Variants in SLC8A1 observed in about 807,000 individuals in gnomAD.
SLC8A1 encodes sodium/calcium exchanger 1.
A neutral mutation model predicts 68.3 loss-of-function variants in SLC8A1; 18 were observed. The ratio of observed to expected loss-of-function variants is 0.26; its 90% CI spans 0.18 to 0.39. The LOEUF is 0.39. Ranked by LOEUF, SLC8A1 falls within the 10% of genes least tolerant of loss-of-function variation. The pLI is 1.00. For missense variants in SLC8A1, 985 were observed against 1,156.7 expected, an observed-to-expected ratio of 0.85 and a Z score of 2.15; for synonymous variants, 475 against 415.5, an observed-to-expected ratio of 1.14 and a Z score of -1.74.
chr2:40,164,817 G>A, intron 5 of SLC8A1, 37 bp downstream of exon 8: 2 of 1,611,178 alleles, frequency 1.2e-6, no homozygotes, highest in South Asian at 2.2e-5. Context: ...GTCCCAAGGT[G>A]AGACTGGCTC....
intron 2 of SLC8A1, among the ~76,000 whole-genome samples, chr2:40,269,031 T>A (rs534380506): frequency 2.9e-4 from 44 of 152,288 alleles, no homozygotes; most frequent in African/African-American, 1.0e-3. Flanking sequence ...CAGGCACTCA[T>A]GCTCCTATGA....
intron 2 of SLC8A1, among the ~76,000 whole-genome samples, chr2:40,234,166 T>C (rs1483019690): frequency 6.6e-6 from 1 of 152,184 alleles, no homozygotes; most frequent in African/African-American, 2.4e-5. Context: ...GGGGATGGCA[T>C]TGAATCTGTA....
At chr2:40,288,343 A>G (rs2068666774) in intron 2 of SLC8A1, among the ~76,000 whole-genome samples, 1 of 152,186 alleles carries the variant, frequency 6.6e-6, no homozygotes, top group Non-Finnish European at 1.5e-5. Flanking sequence ...AGGTTTTACA[A>G]TAGGCTTCAG....
At chr2:40,255,000 C>CTATT (rs2063653763) in intron 2 of SLC8A1, 2 of 152,090 alleles carry the variant, frequency 1.3e-5, no homozygotes, top group African/African-American at 4.8e-5. Flanking sequence ...ATTTATTTCT[C>CTATT]TATTTCTTCA....
At chr2:40,389,068 A>AT (rs1399139048) in intron 2 of SLC8A1, among the ~76,000 whole-genome samples, 1 of 150,156 alleles carries the variant, frequency 6.7e-6, no homozygotes, top group Non-Finnish European at 1.5e-5. Context: ...GTGGCTATAT[A>AT]TTTTTTGCAG....
intron 6 of SLC8A1, among the ~76,000 whole-genome samples, chr2:40,144,578 T>G (rs77528201): frequency 0.029 from 4,412 of 152,220 alleles, 66 homozygotes; most frequent in Non-Finnish European, 0.042. Flanking sequence ...CCTTTTTTTT[T>G]TTAGGAATGT....
intron 2 of SLC8A1, among the ~76,000 whole-genome samples, chr2:40,232,549 T>C (rs562981849): frequency 6.6e-6 from 1 of 151,956 alleles, no homozygotes; most frequent in East Asian, 1.9e-4. Context: ...GAATGGCCTT[T>C]GTGGAAGCAG....
chr2:40,152,472 T>C (rs1014470507), intron 6 of SLC8A1, among the ~76,000 whole-genome samples: 6 of 152,260 alleles, frequency 3.9e-5, no homozygotes, highest in Middle Eastern at 6.8e-3. Context: ...TGGCATGATT[T>C]CGGCTCACTG....
chr2:40,494,966 T>C (rs1035300075), intron 1 of SLC8A1, among the ~76,000 whole-genome samples: 2 of 151,562 alleles, frequency 1.3e-5, no homozygotes, highest in Non-Finnish European at 2.9e-5. Context: ...AATTTACAAA[T>C]GAAAAAACTG....
At chr2:40,248,712 TAGTATGG>T (rs1373725404) in intron 2 of SLC8A1, among the ~76,000 whole-genome samples, 3 of 152,126 alleles carry the variant, frequency 2.0e-5, no homozygotes, top group African/African-American at 7.2e-5. Context: ...CCGTGATCTA[TAGTATGG>T]GCATAAATAG....
At chr2:40,292,873 A>C (rs2069592564) in intron 2 of SLC8A1, among the ~76,000 whole-genome samples, 1 of 152,162 alleles carries the variant, frequency 6.6e-6, no homozygotes, top group African/African-American at 2.4e-5. Context: ...CTATTCCTTC[A>C]TCTAGTGAAC....
exon 7 of SLC8A1, chr2:40,139,453 C>G: frequency 6.2e-7 from 1 of 1,614,160 alleles, no homozygotes; most frequent in South Asian, 1.1e-5. Context: ...CAGAATCTTT[C>G]AGGCCAATGG....
At chr2:40,306,485 A>C (rs866621466) in intron 2 of SLC8A1, among the ~76,000 whole-genome samples, 4 of 152,162 alleles carry the variant, frequency 2.6e-5, no homozygotes, top group Admixed American at 1.3e-4. Context: ...ATTTCAGTGC[A>C]AACTTTCAGA....
In SLC8A1 at chr2:40,138,776, A is replaced by G. The variant is rs182477695; in HGVS notation, c.2437+625T>C. Among the ~76,000 whole-genome samples the G allele has an allele frequency of 2.0e-3, 310 of 152,324 alleles. 1 individual carries two copies. In the Middle Eastern group the frequency reaches 0.031, roughly 15 times the overall value. ...GTCTTACTCAGAAATATGAGTAAAC[A>G]TAATAAAGTATAGTTGCAGGTCAGA... On this transcript the variant is annotated intron_variant, in intron 7 of 7. Transcript: ENST00000406785.
chr2:40,300,736 G>C (rs1365505669), intron 2 of SLC8A1, among the ~76,000 whole-genome samples: 1 of 152,126 alleles, frequency 6.6e-6, no homozygotes, highest in African/African-American at 2.4e-5. Flanking sequence ...GCAAAGTCAG[G>C]AAAAGGCTGA....
At chr2:40,465,812 A>G (rs1375157120) in intron 1 of SLC8A1, among the ~76,000 whole-genome samples, 1 of 152,164 alleles carries the variant, frequency 6.6e-6, no homozygotes, top group African/African-American at 2.4e-5. Context: ...CTTATCTTCA[A>G]TGCAACAGCA....
chr2:40,119,782 C>T (rs79424440), intron 7 of SLC8A1, among the ~76,000 whole-genome samples: 2,971 of 152,278 alleles, frequency 0.02, 50 homozygotes, highest in South Asian at 0.072. Flanking sequence ...TTAACTCCCA[C>T]CTTGAATTCT....
Position 40,153,384 on chromosome 2 carries a change from C to G in SLC8A1, c.2161+7381G>C, listed in dbSNP as rs927412329. Among the ~76,000 whole-genome samples, 6 of 152,140 alleles carry G rather than the reference C, an allele frequency of 3.9e-5. No homozygotes were observed. The South Asian group carries it at 1.2e-3, about 32-fold the overall frequency. On this transcript the variant is annotated intron_variant, in intron 6 of 7. Transcript: ENST00000406785. ...TGGCTGCACCAGAATTCATTGAACT[C>G]AAGTATCTAGAGAAGCCAAAGATTC...
intron 2 of SLC8A1, among the ~76,000 whole-genome samples, chr2:40,259,156 G>T (rs1432496845): frequency 6.6e-6 from 1 of 152,124 alleles, no homozygotes; most frequent in Non-Finnish European, 1.5e-5. Context: ...GGACCCTAGA[G>T]GTAATAGAAT....
Sources: gnomAD v4.1 joint callset for allele counts (sites outside exome capture counted in the v4.1 genomes callset) on GRCh38, gnomAD v4.1.1 for gene constraint, MANE v1.5 for transcripts, NCBI Gene and HGNC (gene_info 2026-07-23, HGNC 2026-07-21) for gene names.